KHDRBS2: variants seen among roughly 807,000 people sequenced by gnomAD.
KHDRBS2 encodes KH domain-containing, RNA-binding, signal transduction-associated protein 2.
Under a neutral mutation model 44.3 loss-of-function variants are expected in KHDRBS2, and 26 were observed. That is an observed-to-expected ratio of 0.59 (90% CI 0.43 to 0.81). The LOEUF is 0.81. Among genes scored for constraint, KHDRBS2 ranks in the 40% least tolerant of loss-of-function variants. The probability of loss-of-function intolerance (pLI) is 0.00; values close to 1 mark genes in which losing one functional copy is unlikely to be tolerated. For synonymous variants in KHDRBS2, 194 were observed against 151.1 expected (o/e 1.28, Z -2.08); for missense variants, 476 against 433.1 (o/e 1.10, Z -0.88).
At chr6:61,712,045 T>A (rs1391608845) in intron 7 of KHDRBS2, among the ~76,000 whole-genome samples, 1 of 151,806 alleles carries the variant, frequency 6.6e-6, no homozygotes, top group Non-Finnish European at 1.5e-5. Flanking sequence ...GAGCTCCTCA[T>A]GTGTTCAATC....
chr6:62,206,395 T>C (rs578208553), intron 1 of KHDRBS2, among the ~76,000 whole-genome samples: 4 of 152,198 alleles, frequency 2.6e-5, no homozygotes, highest in Middle Eastern at 3.4e-3. Flanking sequence ...ATTGAATCCA[T>C]TGATTGTAAA....
At chr6:61,717,893 G>A (rs559877898) in intron 7 of KHDRBS2, among the ~76,000 whole-genome samples, 50 of 152,014 alleles carry the variant, frequency 3.3e-4, no homozygotes, top group East Asian at 3.1e-3. Flanking sequence ...CATAACAGAC[G>A]TCTGAATTGA....
chr6:62,079,163 T>A (rs928989161), intron 2 of KHDRBS2, among the ~76,000 whole-genome samples: 1 of 152,052 alleles, frequency 6.6e-6, no homozygotes, highest in Non-Finnish European at 1.5e-5. Flanking sequence ...CATCTTGGGT[T>A]TCTCTGTGTA....
At chr6:62,052,574 T>C (rs1789311928) in intron 2 of KHDRBS2, among the ~76,000 whole-genome samples, 1 of 115,348 alleles carries the variant, frequency 8.7e-6, no homozygotes. Flanking sequence ...CAGGGACCAG[T>C]TGCGTGGAAG....
intron 2 of KHDRBS2, among the ~76,000 whole-genome samples, chr6:62,153,206 C>T (rs566025846): frequency 2.0e-5 from 3 of 152,256 alleles, no homozygotes; most frequent in East Asian, 1.9e-4. Flanking sequence ...AGGGAATAGC[C>T]TACTTAGTAT....
intron 3 of KHDRBS2, among the ~76,000 whole-genome samples, chr6:61,998,983 A>T (rs1777731631): frequency 6.6e-6 from 1 of 152,062 alleles, no homozygotes; most frequent in Admixed American, 6.6e-5. Flanking sequence ...TATATTTCTA[A>T]AATTTGTGTT....
chr6:61,955,438 G>GTATACATGTGTATA (rs1766686879), intron 4 of KHDRBS2, among the ~76,000 whole-genome samples: 1 of 65,432 alleles, frequency 1.5e-5, no homozygotes, highest in Non-Finnish European at 3.8e-5. Flanking sequence ...GTATGTGTAT[G>GTATACATGTGTATA]TATACATATG....
chr6:61,991,441 C>T (rs1776123010), intron 3 of KHDRBS2, among the ~76,000 whole-genome samples: 2 of 152,066 alleles, frequency 1.3e-5, no homozygotes, highest in East Asian at 3.9e-4. Context: ...GACAGGCATG[C>T]TTTGAGTTTG....
intron 1 of KHDRBS2, among the ~76,000 whole-genome samples, chr6:62,182,661 G>GT (rs776053392): frequency 6.6e-6 from 1 of 151,726 alleles, no homozygotes; most frequent in Non-Finnish European, 1.5e-5. Flanking sequence ...TGAAGGTTTT[G>GT]TTTTTTGTTA....
intron 2 of KHDRBS2, among the ~76,000 whole-genome samples, chr6:62,160,807 A>T: frequency 6.6e-6 from 1 of 152,206 alleles, no homozygotes; most frequent in East Asian, 1.9e-4. Context: ...ATTTTTAAAA[A>T]ATTTTGGGGA....
At chr6:62,046,749 G>T (rs1787790071) in intron 3 of KHDRBS2, among the ~76,000 whole-genome samples, 1 of 151,864 alleles carries the variant, frequency 6.6e-6, no homozygotes, top group South Asian at 2.1e-4. Flanking sequence ...TTTAAGTGTA[G>T]TCAGAGAATC....
the KHDRBS2 span, among the ~76,000 whole-genome samples, chr6:61,596,069 A>T: frequency 6.6e-6 from 1 of 152,080 alleles, no homozygotes; most frequent in African/African-American, 2.4e-5. Context: ...AGCTGTGAAG[A>T]TGGCAGCTGG....
chr6:61,603,224 A>G, the KHDRBS2 span, among the ~76,000 whole-genome samples: 1 of 152,148 alleles, frequency 6.6e-6, no homozygotes, highest in Non-Finnish European at 1.5e-5. Flanking sequence ...CAGGCCTTAC[A>G]GGTTAGTTCA....
In KHDRBS2 at chr6:61,898,269, C is replaced by CT. The variant is rs979172933; in HGVS notation, c.611+2974dup. On this transcript the variant is annotated intron_variant, in intron 5 of 8. Transcript: ENST00000281156. Reference sequence around the variant, plus strand: ...ATTTTCTATTTTGTAAAGCTATTTTCTTTTTTTTTGTGGGCATTTGGTATG... The same window carrying CT: ...ATTTTCTATTTTGTAAAGCTATTTTCTTTTTTTTTTGTGGGCATTTGGTATG... 4.6e-3 allele frequency among the ~76,000 whole-genome samples: 685 copies of CT among 150,394 alleles called. 8 individuals are homozygous for CT. The highest frequency in any genetic ancestry group is 0.015 in the African/African-American group (632 of 41,094).
chr6:61,893,004 C>G (rs1802239107), intron 6 of KHDRBS2, among the ~76,000 whole-genome samples: 1 of 152,146 alleles, frequency 6.6e-6, no homozygotes, highest in African/African-American at 2.4e-5. Flanking sequence ...ACCTACTCAT[C>G]TGACTAAGGG....
At chr6:61,634,267 T>TAA in the KHDRBS2 span, among the ~76,000 whole-genome samples, 108 of 147,742 alleles carry the variant, frequency 7.3e-4, no homozygotes, top group African/African-American at 8.7e-4. Flanking sequence ...CAGATCAAAT[T>TAA]AAAAAAAAAA....
At chr6:62,099,517 G>A (rs1047225945) in intron 2 of KHDRBS2, among the ~76,000 whole-genome samples, 9 of 152,184 alleles carry the variant, frequency 5.9e-5, no homozygotes, top group African/African-American at 2.2e-4. Context: ...GGGTCTGTGA[G>A]TTTCTACCTG....
intron 6 of KHDRBS2, among the ~76,000 whole-genome samples, chr6:61,829,237 C>T (rs1791405027): frequency 6.6e-6 from 1 of 152,204 alleles, no homozygotes; most frequent in East Asian, 1.9e-4. Flanking sequence ...TCTCGGATCA[C>T]TGCAACCTCT....
At chr6:61,563,507 C>T in the KHDRBS2 span, among the ~76,000 whole-genome samples, 1 of 152,058 alleles carries the variant, frequency 6.6e-6, no homozygotes, top group East Asian at 1.9e-4. Context: ...TGAATTTTAA[C>T]TGATTGCTGA....
Sources: gnomAD v4.1 joint callset for allele counts (sites outside exome capture counted in the v4.1 genomes callset) on GRCh38, gnomAD v4.1.1 for gene constraint, MANE v1.5 for transcripts, NCBI Gene and HGNC (gene_info 2026-07-23, HGNC 2026-07-21) for gene names.